Variants in CRACR2A observed in about 807,000 individuals in gnomAD.
CRACR2A encodes calcium release activated channel regulator 2A.
CRACR2A carries 79 observed loss-of-function variants against 90.5 expected under a neutral mutation model. The ratio of observed to expected loss-of-function variants is 0.87; its 90% confidence interval spans 0.73 to 1.05. The LOEUF is 1.05. CRACR2A is among the 50% of genes least tolerant of loss of function. CRACR2A has a pLI of 0.00. For synonymous variants in CRACR2A, 338 were observed against 356.7 expected (o/e 0.95, Z 0.59); for missense variants, 823 against 897.2 (o/e 0.92, Z 1.06).
At chr12:3,631,520 C>T (rs940756419) in intron 15 of CRACR2A, among the ~76,000 whole-genome samples, 4 of 152,180 alleles carry the variant, frequency 2.6e-5, no homozygotes, top group Non-Finnish European at 5.9e-5. Flanking sequence ...ACCTCCCAGG[C>T]GCTGTCTCCT....
At chr12:3,655,388 C>T (rs201767913) in intron 9 of CRACR2A, among the ~76,000 whole-genome samples, 3 of 152,180 alleles carry the variant, frequency 2.0e-5, no homozygotes, top group East Asian at 3.9e-4. Context: ...GGAAAGAGAC[C>T]TAAATTCATA....
intron 8 of CRACR2A, among the ~76,000 whole-genome samples, chr12:3,656,660 G>A (rs1450231498): frequency 6.6e-6 from 1 of 152,158 alleles, no homozygotes; most frequent in Non-Finnish European, 1.5e-5. Flanking sequence ...CAATGACTGT[G>A]CACCACCACC....
intron 3 of CRACR2A, among the ~76,000 whole-genome samples, chr12:3,697,681 T>A (rs143123753): frequency 1.3e-5 from 2 of 152,302 alleles, no homozygotes; most frequent in African/African-American, 4.8e-5. Flanking sequence ...AGTCAACAAG[T>A]TCTTGGTGAG....
At chr12:3,742,528 A>C (rs1946544264) in intron 1 of CRACR2A, among the ~76,000 whole-genome samples, 1 of 152,196 alleles carries the variant, frequency 6.6e-6, no homozygotes, top group Non-Finnish European at 1.5e-5. Flanking sequence ...TCCAGAATTG[A>C]ATCCTGGCTC....
At chr12:3,645,650 T>C (rs1336529871) in intron 11 of CRACR2A, among the ~76,000 whole-genome samples, 1 of 152,092 alleles carries the variant, frequency 6.6e-6, no homozygotes, top group African/African-American at 2.4e-5. Flanking sequence ...TTTAGCAACA[T>C]GGAGGTCATT....
intron 13 of CRACR2A, among the ~76,000 whole-genome samples, chr12:3,639,913 C>T (rs1248952796): frequency 1.3e-5 from 2 of 152,114 alleles, no homozygotes; most frequent in Non-Finnish European, 2.9e-5. Context: ...TGTTTAAGAA[C>T]ACAATTGGTA....
chr12:3,683,084 C>A (rs1945487966), intron 4 of CRACR2A, among the ~76,000 whole-genome samples: 1 of 152,158 alleles, frequency 6.6e-6, no homozygotes, highest in Non-Finnish European at 1.5e-5. Flanking sequence ...CTGGACCTGG[C>A]CTACATTTTT....
rs996528811 is a variant in CRACR2A at position 3,753,006 on chromosome 12, C to T, written c.-387+9G>A. Reference sequence around the variant, plus strand: ...CCGGCCGCCCACCCTCAACCTTCCTCCACGTTACCTTGGGCGTGTAGGCTT... The same window carrying T: ...CCGGCCGCCCACCCTCAACCTTCCTTCACGTTACCTTGGGCGTGTAGGCTT... On this transcript the variant is annotated intron_variant, in intron 1 of 19. Transcript: ENST00000440314. 3.9e-5 allele frequency: 6 copies of T among 152,482 alleles called. No individual in the cohort carries two copies. Among genetic ancestry groups the T allele is most frequent in the Non-Finnish European group, 8.8e-5 (6 of 68,226 alleles). The allele number at this position is 152,482 out of a possible 1,614,324, so 9.4% of individuals were successfully genotyped here.
chr12:3,648,164 A>G, intron 11 of CRACR2A: 1 of 1,067,834 alleles, frequency 9.4e-7, no homozygotes, highest in African/African-American at 1.6e-5. Flanking sequence ...CTGTGAATGA[A>G]CTGCCCTACT....
At chr12:3,720,166 A>G (rs1332065193) in intron 2 of CRACR2A, among the ~76,000 whole-genome samples, 1 of 116,658 alleles carries the variant, frequency 8.6e-6, no homozygotes, top group African/African-American at 3.2e-5. Context: ...AGAGAGAGAG[A>G]GAAAGGAAGG....
rs143463998 is a variant in CRACR2A at position 3,619,751 on chromosome 12, G to A, written c.1933-379C>T. Among the ~76,000 whole-genome samples, 6 of 152,328 alleles carry A rather than the reference G, an allele frequency of 3.9e-5. No homozygotes were observed. In the East Asian group the frequency reaches 7.7e-4, roughly 20 times the overall value. Reference sequence around the variant, plus strand: ...CCAGAGCTTACAGCACCCTGAGGGCGTGCCTAATTGGCCAGGCTTAGTCCG... The same window carrying A: ...CCAGAGCTTACAGCACCCTGAGGGCATGCCTAATTGGCCAGGCTTAGTCCG... On this transcript the variant is annotated intron_variant, in intron 17 of 19. Transcript: ENST00000440314.
At chr12:3,636,737 A>T (rs1474367868) in intron 14 of CRACR2A, among the ~76,000 whole-genome samples, 1 of 152,132 alleles carries the variant, frequency 6.6e-6, no homozygotes, top group Non-Finnish European at 1.5e-5. Context: ...TGCAGGAGGG[A>T]GGGGGACCCC....
At chr12:3,720,373 A>G (rs1946143833) in intron 2 of CRACR2A, among the ~76,000 whole-genome samples, 1 of 119,064 alleles carries the variant, frequency 8.4e-6, no homozygotes, top group African/African-American at 3.1e-5. Flanking sequence ...GAGAGAGAGA[A>G]ACGAAGGAAG....
At chr12:3,623,219 C>T (rs1467604514) in intron 17 of CRACR2A, among the ~76,000 whole-genome samples, 2 of 152,196 alleles carry the variant, frequency 1.3e-5, no homozygotes, top group Non-Finnish European at 2.9e-5. Context: ...AAGTCACTTC[C>T]TCTTTTTGGA....
At chr12:3,651,918 G>A (rs866836993) in intron 10 of CRACR2A, among the ~76,000 whole-genome samples, 10 of 152,176 alleles carry the variant, frequency 6.6e-5, no homozygotes, top group Non-Finnish European at 1.5e-4. Flanking sequence ...CCCACTCTAT[G>A]GAGAACAAGC....
At position 3,638,380 on chromosome 12, in the gene CRACR2A, G is replaced by A. The variant is rs768046618; in HGVS notation, c.1346C>T (p.Thr449Ile). ...CTCCCCGGTTCCTGGCTCCTCTTCT[G>A]TTAGGGGATATCCACTCAGGCCCAG... is the stretch of plus-strand genomic sequence containing the variant. ...SSLGLSGYPL[T>I]EEEPGTGEPG... Residue 449 changes from threonine (T) to isoleucine (I), a missense_variant, in exon 14 of 20, where the codon ACA (threonine) becomes ATA (isoleucine). By Grantham distance (89) the Thr-to-Ile change is moderately conservative. Coordinates refer to ENST00000440314, the MANE Select transcript of CRACR2A (RefSeq NM_001144958.2). 6.4e-7 allele frequency: 1 copy of A among 1,551,628 alleles called. No homozygotes were observed. Among genetic ancestry groups the A allele is most frequent in the Non-Finnish European group, 8.7e-7 (1 of 1,146,946 alleles).
chr12:3,735,813 C>G (rs1946442022), intron 1 of CRACR2A, among the ~76,000 whole-genome samples: 1 of 152,182 alleles, frequency 6.6e-6, no homozygotes, highest in Admixed American at 6.5e-5. Flanking sequence ...TCATCTCAGA[C>G]CCACAGAGTT....
At chr12:3,714,826 A>G (rs539504450) in intron 2 of CRACR2A, among the ~76,000 whole-genome samples, 3 of 152,358 alleles carry the variant, frequency 2.0e-5, no homozygotes, top group Admixed American at 1.3e-4. Flanking sequence ...ATATCACTTT[A>G]TGGTTTACAA....
intron 14 of CRACR2A, among the ~76,000 whole-genome samples, chr12:3,636,349 A>T (rs576028716): frequency 1.4e-4 from 21 of 152,194 alleles, no homozygotes; most frequent in Non-Finnish European, 2.9e-4. Flanking sequence ...CTAGTGAATC[A>T]TACTTCTTCC....
Sources: allele counts gnomAD v4.1 joint callset (sites outside exome capture counted in the v4.1 genomes callset), GRCh38; gene constraint gnomAD v4.1.1; transcripts MANE v1.5; gene names NCBI Gene and HGNC (gene_info 2026-07-23, HGNC 2026-07-21).